The following SV2B variants were observed in gnomAD, a reference collection of about 807,000 sequenced individuals.
The protein encoded by SV2B is synaptic vesicle glycoprotein 2B.
Under a neutral mutation model 73.9 loss-of-function variants are expected in SV2B, and 41 were observed. The observed-to-expected ratio is 0.56, with a 90% CI of 0.43 to 0.72. SV2B has a LOEUF of 0.72. Among genes scored for constraint, SV2B ranks in the 30% least tolerant of loss-of-function variants. The pLI is 0.00. For synonymous variants in SV2B, 314 were observed against 314.2 expected (o/e 1.00, Z 0.01); for missense variants, 764 against 857.8 (o/e 0.89, Z 1.37).
At chr15:91,269,646 G>A (rs2048229374) in intron 9 of SV2B, among the ~76,000 whole-genome samples, 1 of 152,230 alleles carries the variant, frequency 6.6e-6, no homozygotes. Flanking sequence ...ATGGCTGGGT[G>A]AAGCCCAGGA....
intron 1 of SV2B, among the ~76,000 whole-genome samples, chr15:91,126,157 C>T (rs1310954516): frequency 6.6e-6 from 1 of 152,200 alleles, no homozygotes; most frequent in Non-Finnish European, 1.5e-5. Flanking sequence ...AAGACAGCAT[C>T]TAGCTAACAA....
intron 1 of SV2B, among the ~76,000 whole-genome samples, chr15:91,163,408 C>T (rs2043797253): frequency 6.6e-6 from 1 of 152,232 alleles, no homozygotes; most frequent in East Asian, 1.9e-4. Context: ...TATTTCTCCA[C>T]ATCCTCTCCA....
rs61731608 is a variant in SV2B, at chr15:91,251,997, C to T, written c.630C>T (p.Ile210=). 3.8e-3 allele frequency: 6,093 copies of T among 1,613,912 alleles called. 17 individuals carry two copies. Among genetic ancestry groups the T allele is most frequent in the Non-Finnish European group, 4.8e-3 (5,658 of 1,179,900 alleles). ...AFLFCRLISG[I]GIGGALPIVF... ...TCTTCTGCCGACTCATCTCAGGCATCGGGTATGTTCTTAGGGAGGTGGAGC... is the reference window on the plus strand; with the variant it reads ...TCTTCTGCCGACTCATCTCAGGCATTGGGTATGTTCTTAGGGAGGTGGAGC... The change falls in exon 3 of 13, where the codon ATC becomes ATT. Residue 210 remains isoleucine, a splice_region_variant and synonymous_variant. Transcript: ENST00000394232.
In SV2B at chr15:91,128,085, G is replaced by A. The variant is rs1375414982; in HGVS notation, c.-392+27722G>A. 6.6e-6 allele frequency among the ~76,000 whole-genome samples: 1 copy of A among 152,110 alleles called. No individual in the cohort carries two copies. Among genetic ancestry groups the A allele is most frequent in the Admixed American group, 6.6e-5 (1 of 15,266 alleles). ...TGAAAGCTCTTATTATCATTGTCAC[G>A]TTCATCCCAGGGACTCAAATTAAAT... On this transcript the variant is annotated intron_variant, in intron 1 of 12. Transcript: ENST00000394232. The surrounding 1 kb of genome is among the most constrained non-coding windows in gnomAD (Gnocchi z 4.2).
chr15:91,257,394 C>T (rs1326975568), intron 4 of SV2B, among the ~76,000 whole-genome samples: 4 of 152,188 alleles, frequency 2.6e-5, no homozygotes, highest in Non-Finnish European at 5.9e-5. Flanking sequence ...AGGCTCTTTC[C>T]ACTTTATTAC....
In SV2B at chr15:91,253,935, G is replaced by GA. The variant is rs1215853156; in HGVS notation, c.784+1421dup. Among the ~76,000 whole-genome samples the GA allele has an allele frequency of 6.6e-6, 1 of 152,144 alleles. No individual in the cohort carries two copies. The highest frequency in any genetic ancestry group is 1.9e-4 in the East Asian group (1 of 5,184). On this transcript the variant is annotated intron_variant, in intron 4 of 12. Transcript: ENST00000394232. The surrounding 1 kb of genome is among the most constrained non-coding windows in gnomAD (Gnocchi z 5.0). ...TCCACTGGATTTTATATCAGAAACA[G>GA]AAAAAATATGAAAAGGAATAGTGAA...
rs1362393498 is a variant in SV2B at position 91,223,747 on chromosome 15, G to A, written c.-391-2126G>A. Reference sequence around the variant, plus strand: ...AATCTGACGTGGTTCAGGCCAACATGGTCTAATAGAAATTTATTTACTGGA... The same window carrying A: ...AATCTGACGTGGTTCAGGCCAACATAGTCTAATAGAAATTTATTTACTGGA... On this transcript the variant is annotated intron_variant, in intron 1 of 12. Coordinates refer to ENST00000394232, the MANE Select transcript of SV2B (RefSeq NM_001323032.3). This position sits in a 1 kb window ranked among gnomAD's most constrained non-coding sequence, Gnocchi z 4.6. Among the ~76,000 whole-genome samples, 2 of 152,178 alleles carry A rather than the reference G, an allele frequency of 1.3e-5. No individual in the cohort carries two copies. The highest frequency in any genetic ancestry group is 2.4e-5 in the African/African-American group (1 of 41,432).
Position 91,267,500 on chromosome 15 carries a change from G to C in SV2B, c.1120-55G>C. 4 of 1,486,006 alleles carry C rather than the reference G, an allele frequency of 2.7e-6. No individual in the cohort carries two copies. Among genetic ancestry groups the C allele is most frequent in the Non-Finnish European group, 3.7e-6 (4 of 1,069,918 alleles). 92.1% of individuals were successfully genotyped at this position (1,486,006 alleles called of 1,614,324 possible). On this transcript the variant is annotated intron_variant, in intron 7 of 12. Transcript: ENST00000394232. This position sits in a 1 kb window ranked among gnomAD's most constrained non-coding sequence, Gnocchi z 4.3. ...TCTGAGTAATGAGCTCTTCGTGGGA[G>C]AAACAAAGTCACACATTGCTTTCTT... is the stretch of plus-strand genomic sequence containing the variant.
intron 1 of SV2B, among the ~76,000 whole-genome samples, chr15:91,152,392 G>GC (rs2043341600): frequency 1.3e-5 from 2 of 152,232 alleles, no homozygotes; most frequent in African/African-American, 4.8e-5. Flanking sequence ...TTGAGAGGTG[G>GC]CATAACACAG....
In SV2B at chr15:91,290,292, G is replaced by A. The variant is rs936245345; in HGVS notation, c.1868+612G>A. ...AAAAGGAATGTGAAGAGGTAAGGAA[G>A]GTGGGTAAATGAAATTCTGCAAAAA... On this transcript the variant is annotated intron_variant, in intron 12 of 12. Coordinates refer to ENST00000394232, the MANE Select transcript of SV2B (RefSeq NM_001323032.3). The surrounding 1 kb of genome is among the most constrained non-coding windows in gnomAD (Gnocchi z 4.7). Among the ~76,000 whole-genome samples, 6 of 152,122 alleles carry A rather than the reference G, an allele frequency of 3.9e-5. No individual in the cohort carries two copies. The highest frequency in any genetic ancestry group is 8.8e-5 in the Non-Finnish European group (6 of 68,016).
At chr15:91,273,412 G>A (rs1219614424) in intron 9 of SV2B, among the ~76,000 whole-genome samples, 1 of 152,196 alleles carries the variant, frequency 6.6e-6, no homozygotes, top group Non-Finnish European at 1.5e-5. Flanking sequence ...GCCAAGTTCT[G>A]TAGCTTACTC....
At chr15:91,185,095 A>G (rs949580772) in intron 1 of SV2B, among the ~76,000 whole-genome samples, 1 of 152,176 alleles carries the variant, frequency 6.6e-6, no homozygotes, top group Non-Finnish European at 1.5e-5. Context: ...TTTTTCAGAC[A>G]AAGTCTTGTT....
At chr15:91,246,751 CTT>C (rs1330718631) in intron 2 of SV2B, among the ~76,000 whole-genome samples, 265 of 151,536 alleles carry the variant, frequency 1.7e-3, no homozygotes, top group African/African-American at 6.1e-3. Flanking sequence ...CCTCCTCCTT[CTT>C]CTCCTCTTCC....
intron 1 of SV2B, among the ~76,000 whole-genome samples, chr15:91,195,615 G>A (rs764769497): frequency 1.3e-4 from 20 of 152,288 alleles, no homozygotes; most frequent in Non-Finnish European, 1.9e-4. Flanking sequence ...ATGGCAGCAT[G>A]GTGTAACCTA....
intron 1 of SV2B, among the ~76,000 whole-genome samples, chr15:91,166,058 C>A (rs2043900744): frequency 6.6e-6 from 1 of 152,114 alleles, no homozygotes; most frequent in Non-Finnish European, 1.5e-5. Flanking sequence ...TCCATGATTT[C>A]TTGTGAGAAA....
chr15:91,167,891 T>C (rs1414010633), intron 1 of SV2B, among the ~76,000 whole-genome samples: 2 of 152,288 alleles, frequency 1.3e-5, no homozygotes, highest in Middle Eastern at 3.4e-3. Context: ...ATCAACTCAG[T>C]AAGTAAGGTT....
intron 1 of SV2B, among the ~76,000 whole-genome samples, chr15:91,171,671 G>A (rs1015503529): frequency 1.3e-5 from 2 of 152,248 alleles, no homozygotes; most frequent in African/African-American, 2.4e-5. Context: ...CTCGTGATTA[G>A]TGTGGATTGC....
In SV2B at chr15:91,281,147, G is replaced by T. The variant is rs2048669648; in HGVS notation, c.1374-581G>T. 6.6e-6 allele frequency among the ~76,000 whole-genome samples: 1 copy of T among 152,204 alleles called. No individual in the cohort carries two copies. The highest frequency in any genetic ancestry group is 6.5e-5 in the Admixed American group (1 of 15,282). On this transcript the variant is annotated intron_variant, in intron 9 of 12. Transcript: ENST00000394232. This position sits in a 1 kb window ranked among gnomAD's most constrained non-coding sequence, Gnocchi z 4.7. Reference sequence around the variant, plus strand: ...TCTCTTTGAATACATGGGCAAGTATGTGTAGGATAAATTCCTAGAGGTGGT... The same window carrying T: ...TCTCTTTGAATACATGGGCAAGTATTTGTAGGATAAATTCCTAGAGGTGGT...
At position 91,284,726 on chromosome 15, in the gene SV2B, T is replaced by C. The variant is rs1596789732; in HGVS notation, c.1708+505T>C. On this transcript the variant is annotated intron_variant, in intron 11 of 12. Coordinates refer to ENST00000394232, the MANE Select transcript of SV2B (RefSeq NM_001323032.3). This position sits in a 1 kb window ranked among gnomAD's most constrained non-coding sequence, Gnocchi z 4.5. ...GTTCCTTTACTTCTCTGGGCCTCAG[T>C]TTCCTTATTTATAAGAGAATGATTT... 6.6e-6 allele frequency among the ~76,000 whole-genome samples: 1 copy of C among 152,232 alleles called. No homozygotes were observed. Among genetic ancestry groups the C allele is most frequent in the Admixed American group, 6.5e-5 (1 of 15,288 alleles).
Sources: gnomAD v4.1 joint callset for allele counts (sites outside exome capture counted in the v4.1 genomes callset) on GRCh38, gnomAD v4.1.1 for gene constraint, Gnocchi (gnomAD v3.1) non-coding constraint, MANE v1.5 for transcripts, NCBI Gene and HGNC (gene_info 2026-07-23, HGNC 2026-07-21) for gene names.